EYS: variants seen among roughly 807,000 people sequenced by gnomAD.
The protein encoded by EYS is EGF-like photoreceptor maintenance factor.
A neutral mutation model predicts 282.1 loss-of-function variants in EYS; 250 were observed. The observed-to-expected ratio is 0.89, with a 90% CI of 0.80 to 0.98. EYS has a LOEUF of 0.98. Ranked by LOEUF, EYS falls within the 50% of genes least tolerant of loss-of-function variation. The probability of loss-of-function intolerance (pLI) is 0.00; values close to 1 mark genes in which losing one functional copy is unlikely to be tolerated. For missense variants in EYS, 4,016 were observed against 3,709.0 expected (o/e 1.08, Z -2.15); for synonymous variants, 1,355 against 1,282.9 (o/e 1.06, Z -1.20).
At chr6:65,109,385 T>G (rs1010704389) in intron 12 of EYS, among the ~76,000 whole-genome samples, 1 of 152,086 alleles carries the variant, frequency 6.6e-6, no homozygotes, top group African/African-American at 2.4e-5. Flanking sequence ...GTGTTGTTTC[T>G]CTTGTTATAG....
chr6:65,011,156 T>C (rs1361954656), intron 13 of EYS, among the ~76,000 whole-genome samples: 1 of 152,206 alleles, frequency 6.6e-6, no homozygotes, highest in Admixed American at 6.5e-5. Context: ...AGAAATACTG[T>C]TGCCTGCAGC....
intron 36 of EYS, among the ~76,000 whole-genome samples, chr6:63,831,995 A>G (rs1057306932): frequency 2.0e-5 from 3 of 152,362 alleles, no homozygotes; most frequent in Non-Finnish European, 4.4e-5. Context: ...GAAGGCAGAA[A>G]TAAAGATGTT....
chr6:64,172,714 TCATAA>T (rs1764518094), intron 31 of EYS, among the ~76,000 whole-genome samples: 1 of 152,090 alleles, frequency 6.6e-6, no homozygotes, highest in African/African-American at 2.4e-5. Context: ...GAATAAAGAA[TCATAA>T]CTGAGATGTT....
intron 31 of EYS, among the ~76,000 whole-genome samples, chr6:64,178,360 T>G (rs894450753): frequency 1.3e-5 from 2 of 152,126 alleles, no homozygotes; most frequent in African/African-American, 4.8e-5. Flanking sequence ...GGTTTAGTTA[T>G]ATGAAGACAA....
chr6:63,757,650 C>T (rs1436813307), intron 41 of EYS, among the ~76,000 whole-genome samples: 3 of 152,104 alleles, frequency 2.0e-5, no homozygotes, highest in African/African-American at 7.2e-5. Flanking sequence ...ATGTCACCCC[C>T]AGTGGCCCAG....
At chr6:64,757,787 T>TGTG (rs1344050592) in intron 22 of EYS, among the ~76,000 whole-genome samples, 2 of 146,408 alleles carry the variant, frequency 1.4e-5, no homozygotes, top group Non-Finnish European at 3.0e-5. Flanking sequence ...TGTGTGTGTG[T>TGTG]TTTGTTTGTT....
At chr6:64,381,104 G>A (rs1772733840) in intron 29 of EYS, among the ~76,000 whole-genome samples, 1 of 151,686 alleles carries the variant, frequency 6.6e-6, no homozygotes, top group South Asian at 2.1e-4. Flanking sequence ...TAATGGATAT[G>A]AGGATATAAG....
chr6:64,571,481 T>G (rs759923801), intron 26 of EYS, among the ~76,000 whole-genome samples: 1 of 151,978 alleles, frequency 6.6e-6, no homozygotes, highest in Non-Finnish European at 1.5e-5. Context: ...AATCAATGAA[T>G]CCAGGAGCTG....
chr6:65,264,169 C>T (rs1314400066), intron 12 of EYS, among the ~76,000 whole-genome samples: 2 of 152,006 alleles, frequency 1.3e-5, no homozygotes, highest in Non-Finnish European at 2.9e-5. Context: ...AGTTGTTATA[C>T]CTAGCAAGGC....
chr6:63,981,583 T>C (rs972043538), intron 35 of EYS, among the ~76,000 whole-genome samples: 1 of 151,872 alleles, frequency 6.6e-6, no homozygotes, highest in African/African-American at 2.4e-5. Context: ...TTATACTTAA[T>C]GATACACAAC....
At chr6:65,187,580 T>A (rs187388110) in intron 12 of EYS, among the ~76,000 whole-genome samples, 24 of 151,860 alleles carry the variant, frequency 1.6e-4, no homozygotes, top group Admixed American at 1.3e-3. Context: ...CTTATTCTGT[T>A]ATTATTTTGT....
intron 36 of EYS, among the ~76,000 whole-genome samples, chr6:63,843,873 G>A (rs950357955): frequency 2.0e-5 from 3 of 152,130 alleles, no homozygotes; most frequent in Admixed American, 6.6e-5. Context: ...TTTAAGTTCT[G>A]GGGTACATGT....
At chr6:65,377,125 T>C (rs1765399188) in intron 8 of EYS, among the ~76,000 whole-genome samples, 1 of 152,098 alleles carries the variant, frequency 6.6e-6, no homozygotes, top group African/African-American at 2.4e-5. Context: ...TAATTGGAAG[T>C]AAAACACTCC....
chr6:65,239,204 T>C (rs1766998254), intron 12 of EYS, among the ~76,000 whole-genome samples: 1 of 152,164 alleles, frequency 6.6e-6, no homozygotes, highest in South Asian at 2.1e-4. Context: ...GTGATGCTCA[T>C]TGTCTCCTAA....
At chr6:64,971,292 T>C (rs887947041) in intron 14 of EYS, among the ~76,000 whole-genome samples, 1 of 39,456 alleles carries the variant, frequency 2.5e-5, no homozygotes, top group African/African-American at 1.4e-4. Context: ...GAAAGTGTCC[T>C]ATTCTAGAAA....
intron 22 of EYS, among the ~76,000 whole-genome samples, chr6:64,693,609 G>T (rs1770473627): frequency 6.6e-6 from 1 of 152,020 alleles, no homozygotes; most frequent in African/African-American, 2.4e-5. Context: ...AATGAATTTT[G>T]AATCCTCACA....
intron 30 of EYS, among the ~76,000 whole-genome samples, chr6:64,280,789 A>C (rs1294859895): frequency 6.6e-6 from 1 of 152,160 alleles, no homozygotes; most frequent in African/African-American, 2.4e-5. Context: ...TGTACTGTGC[A>C]TCAGGTTTGG....
At chr6:65,479,722 C>T (rs1416356865) in intron 5 of EYS, among the ~76,000 whole-genome samples, 2 of 152,040 alleles carry the variant, frequency 1.3e-5, no homozygotes, top group Non-Finnish European at 2.9e-5. Context: ...TCTAGAAGAA[C>T]GCATTGGATA....
chr6:63,839,699 C>G (rs1052189683), intron 36 of EYS, among the ~76,000 whole-genome samples: 1 of 152,090 alleles, frequency 6.6e-6, no homozygotes, highest in Non-Finnish European at 1.5e-5. Flanking sequence ...CAGAACATCC[C>G]TTTGACACAC....
Sources: gnomAD v4.1 joint callset for allele counts (sites outside exome capture counted in the v4.1 genomes callset) on GRCh38, gnomAD v4.1.1 for gene constraint, MANE v1.5 for transcripts, NCBI Gene and HGNC (gene_info 2026-07-23, HGNC 2026-07-21) for gene names.